Variants in GOLGA8A observed in about 807,000 individuals in gnomAD.
GOLGA8A encodes golgin subfamily A member 8A.
In GOLGA8A, 3 loss-of-function variants were observed where a neutral mutation model predicts 22.1. The ratio of observed to expected loss-of-function variants is 0.14; its 90% CI spans 0.06 to 0.35. The LOEUF is 0.35. Among genes scored for constraint, GOLGA8A ranks in the 10% least tolerant of loss-of-function variants. The probability of loss-of-function intolerance (pLI) is 1.00; values close to 1 mark genes in which losing one functional copy is unlikely to be tolerated. For missense variants in GOLGA8A, 16 were observed against 233.2 expected (o/e 0.07, Z 6.07); for synonymous variants, 7 against 91.7 (o/e 0.08, Z 5.28).
At chr15:34,386,595 T>G in intron 12 of GOLGA8A, 30 bp downstream of exon 12, 1 of 1,416,156 alleles carries the variant, frequency 7.1e-7, no homozygotes, top group South Asian at 1.2e-5. Flanking sequence ...ATTGGCAGCG[T>G]GGAATCAGGG....
chr15:34,411,422 ATGTGTGTGTGTGTG>A (rs3053180), intron 2 of GOLGA8A, among the ~76,000 whole-genome samples: 6 of 98,580 alleles, frequency 6.1e-5, no homozygotes, highest in Admixed American at 2.2e-4. Context: ...GAATTCATGA[ATGTGTGTGTGTGTG>A]TGTGTGTGTG....
At chr15:34,429,441 T>G (rs927010099) in intron 2 of GOLGA8A, among the ~76,000 whole-genome samples, 2 of 146,304 alleles carry the variant, frequency 1.4e-5, no homozygotes, top group Non-Finnish European at 3.0e-5. Flanking sequence ...GGCTGGCCCT[T>G]CTGCCGAGAG....
In GOLGA8A at chr15:34,381,175, T is replaced by G. The variant is rs78955581; in HGVS notation, c.*236A>C. The G allele has an allele frequency of 0.19, 127,688 of 661,452 alleles. 8,439 individuals are homozygous for G. Among genetic ancestry groups the G allele is most frequent in the Non-Finnish European group, 0.21 (84,279 of 396,980 alleles). The allele number at this position is 661,452 out of a possible 1,614,324, so 41.0% of individuals were successfully genotyped here. Reference sequence around the variant, plus strand: ...GATATGCATGCTAATGACCTACAATTATGAAATGAAAAAAGAAAAATGCTG... The same window carrying G: ...GATATGCATGCTAATGACCTACAATGATGAAATGAAAAAAGAAAAATGCTG... On this transcript the variant is annotated 3_prime_UTR_variant, in exon 25 of 25. Transcript: ENST00000359187.
intron 2 of GOLGA8A, among the ~76,000 whole-genome samples, chr15:34,431,335 A>ATCTATC (rs1254192860): frequency 5.0e-4 from 35 of 69,684 alleles, no homozygotes; most frequent in Non-Finnish European, 8.6e-4. Context: ...ATATATATAT[A>ATCTATC]TATATATATA....
At chr15:34,435,953 C>T (rs1384184429) in intron 1 of GOLGA8A, among the ~76,000 whole-genome samples, 2 of 149,210 alleles carry the variant, frequency 1.3e-5, no homozygotes, top group African/African-American at 2.5e-5. Context: ...CCCTCCTGCC[C>T]CGCGGATCCT....
chr15:34,434,702 C>T (rs1170093695), intron 2 of GOLGA8A, among the ~76,000 whole-genome samples: 2 of 149,406 alleles, frequency 1.3e-5, no homozygotes, highest in East Asian at 2.0e-4. Context: ...CCCCAGCCCC[C>T]GATGGGCACA....
chr15:34,423,785 T>C lies in GOLGA8A; in HGVS notation c.-1123+11598A>G, dbSNP rs935790569. Among the ~76,000 whole-genome samples the C allele has an allele frequency of 5.4e-5, 8 of 149,236 alleles. 1 individual carries two copies. Among genetic ancestry groups the C allele is most frequent in the Non-Finnish European group, 1.0e-4 (7 of 67,136 alleles). On this transcript the variant is annotated intron_variant, in intron 2 of 24. Transcript: ENST00000359187. ...AGTTTGGTCCACCTCCATGGACCCTTTGGCCACTGAGTCACACATGCTGGC... is the reference window on the plus strand; with the variant it reads ...AGTTTGGTCCACCTCCATGGACCCTCTGGCCACTGAGTCACACATGCTGGC...
At position 34,425,684 on chromosome 15, in the gene GOLGA8A, A is replaced by G. The variant is rs916350195; in HGVS notation, c.-1123+9699T>C. ...GCATCTGAGAGAAAATATCCGCAATATATATAGAAAATGAGGAATAACCCT... is the reference window on the plus strand; with the variant it reads ...GCATCTGAGAGAAAATATCCGCAATGTATATAGAAAATGAGGAATAACCCT... On this transcript the variant is annotated intron_variant, in intron 2 of 24. Coordinates refer to ENST00000359187, the MANE Select transcript of GOLGA8A (RefSeq NM_181077.5). 1.8e-4 allele frequency among the ~76,000 whole-genome samples: 26 copies of G among 145,890 alleles called. 1 individual carries two copies. Among genetic ancestry groups the G allele is most frequent in the African/African-American group, 6.3e-4 (25 of 39,874 alleles).
At chr15:34,420,698 C>T (rs200856715) in intron 2 of GOLGA8A, among the ~76,000 whole-genome samples, 11,886 of 126,176 alleles carry the variant, frequency 0.094, 401 homozygotes, top group South Asian at 0.25. Context: ...ACACCATCGG[C>T]GGCCACTCCC....
intron 2 of GOLGA8A, among the ~76,000 whole-genome samples, chr15:34,426,291 A>G (rs1166590533): frequency 6.7e-6 from 1 of 149,816 alleles, no homozygotes; most frequent in Non-Finnish European, 1.5e-5. Flanking sequence ...TAAGACACAC[A>G]GCTGGTGAGC....
At chr15:34,422,735 T>TCTCTCTCGCTCTCG (rs1566911002) in intron 2 of GOLGA8A, among the ~76,000 whole-genome samples, 1 of 94,388 alleles carries the variant, frequency 1.1e-5, no homozygotes, top group Admixed American at 1.3e-4. Flanking sequence ...TCGCTCTCGC[T>TCTCTCTCGCTCTCG]CTCTCTCTCT....
chr15:34,436,667 G>T (rs1680055919), intron 1 of GOLGA8A, among the ~76,000 whole-genome samples: 1 of 149,678 alleles, frequency 6.7e-6, no homozygotes. Flanking sequence ...ACCAAGGCCC[G>T]CCGCCCGACC....
At chr15:34,434,843 T>A (rs1893425180) in intron 2 of GOLGA8A, among the ~76,000 whole-genome samples, 1 of 149,066 alleles carries the variant, frequency 6.7e-6, no homozygotes, top group Non-Finnish European at 1.5e-5. Context: ...CTGGCAAGGG[T>A]GAGGAACTGA....
chr15:34,380,330 CTAAT>C lies in GOLGA8A; in HGVS notation c.*1077_*1080del, dbSNP rs1247269370. 6.6e-6 allele frequency: 1 copy of C among 152,208 alleles called. No individual in the cohort carries two copies. Among genetic ancestry groups the C allele is most frequent in the African/African-American group, 2.4e-5 (1 of 41,452 alleles). The allele number at this position is 152,208 out of a possible 1,614,324, so 9.4% of individuals were successfully genotyped here. A position where few individuals can be genotyped will look rare whatever the true frequency, so the allele number is the denominator to read the frequency against. On this transcript the variant is annotated 3_prime_UTR_variant, in exon 25 of 25. Transcript: ENST00000359187. The stretch of plus-strand genomic sequence containing the variant: ...AGGTGTCACACAGCTTTCCTTCACT[CTAAT>C]TCATTCTTGACTAGAGCCTGTATGC...
chr15:34,431,368 C>T (rs1246501444), intron 2 of GOLGA8A, among the ~76,000 whole-genome samples: 2 of 134,638 alleles, frequency 1.5e-5, no homozygotes, highest in African/African-American at 5.7e-5. Flanking sequence ...ACACTCGTGT[C>T]ACTTAACGAC....
At position 34,380,229 on chromosome 15, in the gene GOLGA8A, G is replaced by C. The variant is rs1313009223; in HGVS notation, c.*1182C>G. On this transcript the variant is annotated 3_prime_UTR_variant, in exon 25 of 25. Coordinates refer to ENST00000359187, the MANE Select transcript of GOLGA8A (RefSeq NM_181077.5). ...AGTAACCGAGGTGGTTGAAGAATAG[G>C]TATTAGCCAGAGAGGTCTAGATAGT... 1.3e-5 allele frequency: 2 copies of C among 152,148 alleles called. No individual in the cohort carries two copies. The highest frequency in any genetic ancestry group is 2.9e-5 in the Non-Finnish European group (2 of 68,030). 9.4% of individuals were successfully genotyped at this position (152,148 alleles called of 1,614,324 possible).
intron 1 of GOLGA8A, among the ~76,000 whole-genome samples, chr15:34,436,419 T>C (rs1392326816): frequency 1.3e-5 from 2 of 149,730 alleles, no homozygotes; most frequent in African/African-American, 4.9e-5. Flanking sequence ...CATGCCTGTT[T>C]AGGAGCTGAC....
rs1263204769 is a variant in GOLGA8A at position 34,432,119 on chromosome 15, G to A, written c.-1123+3264C>T. Among the ~76,000 whole-genome samples the A allele has an allele frequency of 1.1e-4, 17 of 149,216 alleles. 1 individual carries two copies. The Admixed American group carries it at 1.2e-3, about 10-fold the overall frequency. ...TGCTAAGAATCCATGTTGGCTTCAA[G>A]TGCAAAATGGAAAACACCTTAGTGT... On this transcript the variant is annotated intron_variant, in intron 2 of 24. Transcript: ENST00000359187.
At chr15:34,436,137 A>G (rs907734436) in intron 1 of GOLGA8A, among the ~76,000 whole-genome samples, 4 of 148,824 alleles carry the variant, frequency 2.7e-5, no homozygotes, top group Admixed American at 2.0e-4. Flanking sequence ...GCCTCACCTC[A>G]CTGGAGGGAC....
Sources: allele counts gnomAD v4.1 joint callset (sites outside exome capture counted in the v4.1 genomes callset), GRCh38; gene constraint gnomAD v4.1.1; transcripts MANE v1.5; gene names NCBI Gene and HGNC (gene_info 2026-07-23, HGNC 2026-07-21).